CEP83: variants seen among roughly 807,000 people sequenced by gnomAD.
CEP83 encodes the protein centrosomal protein 83.
In CEP83, 70 loss-of-function variants were observed where a neutral mutation model predicts 101.9. That is an observed-to-expected ratio of 0.69 (90% confidence interval 0.57 to 0.84). CEP83 has a LOEUF of 0.84. CEP83 is among the 40% of genes least tolerant of loss of function. CEP83 has a pLI of 0.00. For missense variants in CEP83, 715 were observed against 787.2 expected, an observed-to-expected ratio of 0.91 and a Z score of 1.10; for synonymous variants, 264 against 267.9, an observed-to-expected ratio of 0.99 and a Z score of 0.14.
intron 1 of CEP83, among the ~76,000 whole-genome samples, chr12:94,441,759 C>CA (rs2066417384): frequency 6.6e-6 from 1 of 151,788 alleles, no homozygotes; most frequent in Non-Finnish European, 1.5e-5. Flanking sequence ...ACTAAAAATA[C>CA]AAAAAATTAG....
At chr12:94,305,336 G>A (rs1333779955), downstream of CEP83, 2 of 1,054,972 alleles carry the variant, frequency 1.9e-6, no homozygotes, top group Non-Finnish European at 2.9e-6. Flanking sequence ...CGACTTGGGA[G>A]CAAAATGGCT....
At chr12:94,282,563 C>T in the CEP83 span, among the ~76,000 whole-genome samples, 1 of 152,176 alleles carries the variant, frequency 6.6e-6, no homozygotes, top group Non-Finnish European at 1.5e-5. Flanking sequence ...GCAGACAAGC[C>T]CATGAAGGGC....
Position 94,331,706 on chromosome 12 carries a change from C to G in CEP83, c.1701G>C (p.Gln567His), listed in dbSNP as rs1163728830. The change falls in exon 14 of 17, where the codon CAG (glutamine) becomes CAC (histidine). Residue 567 changes from glutamine (Q) to histidine (H), a missense_variant. Gln to His is a conservative substitution (Grantham distance 24, BLOSUM62 0). Coordinates refer to ENST00000397809, the MANE Select transcript of CEP83 (RefSeq NM_016122.3). ...KEKLQRAAIA[Q>H]KKRKSLHENK... ...TTTAATAAGAACCACTTGCCTTTTT[C>G]TGGGCAATTGCAGCTCGCTGCAGTT... 1.2e-6 allele frequency: 2 copies of G among 1,613,520 alleles called. No individual in the cohort carries two copies. The highest frequency in any genetic ancestry group is 2.7e-5 in the African/African-American group (2 of 74,900).
chr12:94,322,792 A>C (rs2058803754), intron 14 of CEP83, among the ~76,000 whole-genome samples: 1 of 152,202 alleles, frequency 6.6e-6, no homozygotes, highest in Non-Finnish European at 1.5e-5. Context: ...AACAATGGCT[A>C]AGAATGTGAA....
In CEP83 at chr12:94,343,470, C is replaced by CTT. The variant is rs1161481202; in HGVS notation, c.1344-7808_1344-7807dup. Among the ~76,000 whole-genome samples, 148 of 84,176 alleles carry CTT rather than the reference C, an allele frequency of 1.8e-3. 10 individuals are homozygous for CTT. The highest frequency in any genetic ancestry group is 4.2e-3 in the South Asian group (9 of 2,142). 55.2% of individuals were successfully genotyped at this position (84,176 alleles called of 152,430 possible). On this transcript the variant is annotated intron_variant, in intron 11 of 16. Transcript: ENST00000397809. ...ACAATGCAATAAAGCTAGAAATTAA[C>CTT]TTTTTTTTTTTTTTTTTTTTTTTTT... is the stretch of plus-strand genomic sequence containing the variant.
At chr12:94,304,302 C>T (rs1329899052), downstream of CEP83, 1 of 357,208 alleles carries the variant, frequency 2.8e-6, no homozygotes, top group Non-Finnish European at 5.1e-6. Flanking sequence ...CCTACAGCCA[C>T]CCTGACTCAA....
In CEP83 at chr12:94,322,566, G is replaced by C. The variant is rs887886809; in HGVS notation, c.1707+9134C>G. 2.6e-5 allele frequency among the ~76,000 whole-genome samples: 4 copies of C among 152,238 alleles called. No homozygotes were observed. In the East Asian group the frequency reaches 7.7e-4, roughly 29 times the overall value. ...TGGCACCCTGCCCCTCTCTCTGGGA[G>C]AGCCATTCCAGGGAGGTTTGAAACT... On this transcript the variant is annotated intron_variant, in intron 14 of 16. Transcript: ENST00000397809.
chr12:94,267,701 G>A, the CEP83 span, among the ~76,000 whole-genome samples: 1 of 152,178 alleles, frequency 6.6e-6, no homozygotes, highest in African/African-American at 2.4e-5. Context: ...CTGCAGAGAA[G>A]GCACATGATC....
At chr12:94,429,798 T>G (rs1183291045) in intron 2 of CEP83, among the ~76,000 whole-genome samples, 1 of 151,896 alleles carries the variant, frequency 6.6e-6, no homozygotes, top group Non-Finnish European at 1.5e-5. Flanking sequence ...GACTAAAATG[T>G]GAGTGAAACA....
chr12:94,324,469 G>A (rs2058884288), intron 14 of CEP83, among the ~76,000 whole-genome samples: 1 of 152,120 alleles, frequency 6.6e-6, no homozygotes, highest in African/African-American at 2.4e-5. Flanking sequence ...AATATCTATA[G>A]ATAGATATCC....
chr12:94,331,922 C>T, intron 13 of CEP83, 93 bp from the exon 14 acceptor site: 1 of 1,147,486 alleles, frequency 8.7e-7, no homozygotes, highest in Non-Finnish European at 1.3e-6. Context: ...CACTACCTGT[C>T]TGACCACATT....
chr12:94,360,821 G>A (rs2060716610), intron 11 of CEP83, among the ~76,000 whole-genome samples: 1 of 152,074 alleles, frequency 6.6e-6, no homozygotes, highest in Non-Finnish European at 1.5e-5. Context: ...GAACAAAGTT[G>A]GAGCTATCTA....
intron 9 of CEP83, 155 bp from the exon 10 acceptor site, chr12:94,368,356 A>G (rs2061125742): frequency 1.7e-6 from 1 of 593,738 alleles, no homozygotes; most frequent in Admixed American, 3.5e-5. Flanking sequence ...ATTAATAAAC[A>G]CTCTTAAAAT....
At chr12:94,350,508 C>T (rs2060150077) in intron 11 of CEP83, among the ~76,000 whole-genome samples, 1 of 152,010 alleles carries the variant, frequency 6.6e-6, no homozygotes. Context: ...ACTAAATGTG[C>T]AACCTAAAAC....
intron 15 of CEP83, 160 bp downstream of exon 15, chr12:94,312,754 T>C: frequency 1.0e-6 from 1 of 983,354 alleles, no homozygotes; most frequent in Middle Eastern, 5.2e-4. Context: ...AACATTCAGT[T>C]AGGGGGTAAA....
the CEP83 span, among the ~76,000 whole-genome samples, chr12:94,265,980 A>G: frequency 1.3e-5 from 2 of 152,352 alleles, no homozygotes; most frequent in South Asian, 2.1e-4. Context: ...CTGTTAGTAG[A>G]GACTTGGAGA....
downstream of CEP83, chr12:94,303,693 C>CT (rs373777720): frequency 0.028 from 19,691 of 698,932 alleles, 91 homozygotes; most frequent in African/African-American, 0.066. Context: ...ATTCCTCCAT[C>CT]TTTTTTTTTT....
At chr12:94,396,128 T>C (rs1246933582) in intron 6 of CEP83, among the ~76,000 whole-genome samples, 2 of 152,114 alleles carry the variant, frequency 1.3e-5, no homozygotes, top group Non-Finnish European at 2.9e-5. Flanking sequence ...CAACTCTGTA[T>C]TGTCATTACT....
rs762072837 is a variant in CEP83 at position 94,378,785 on chromosome 12, T to A, written c.801+6A>T. 6.2e-7 allele frequency: 1 copy of A among 1,613,620 alleles called. No individual in the cohort carries two copies. Among genetic ancestry groups the A allele is most frequent in the Non-Finnish European group, 8.5e-7 (1 of 1,179,722 alleles). On this transcript the variant is annotated splice_donor_region_variant and intron_variant, in intron 7 of 16. Transcript: ENST00000397809. ...ATACTCTACTGGGAAGTAATTAGAA[T>A]CTTACCTCCAGGGATCTGACTGTAG...
Sources: allele counts gnomAD v4.1 joint callset (sites outside exome capture counted in the v4.1 genomes callset), GRCh38; gene constraint gnomAD v4.1.1; transcripts MANE v1.5; gene names NCBI Gene and HGNC (gene_info 2026-07-23, HGNC 2026-07-21).